The following NRXN3 variants were observed in gnomAD, a reference collection of about 807,000 sequenced individuals.
NRXN3 encodes the protein neurexin 3.
A neutral mutation model predicts 137.6 loss-of-function variants in NRXN3; 32 were observed. The observed-to-expected ratio is 0.23, with a 90% CI of 0.18 to 0.31. The LOEUF is 0.31. Ranked by LOEUF, NRXN3 falls within the 10% of genes least tolerant of loss-of-function variation. NRXN3 has a pLI of 1.00. For missense variants in NRXN3, 1,574 were observed against 2,062.5 expected, an observed-to-expected ratio of 0.76 and a Z score of 4.59; for synonymous variants, 798 against 784.5, an observed-to-expected ratio of 1.02 and a Z score of -0.29.
chr14:78,518,999 T>C, intron 4 of NRXN3, among the ~76,000 whole-genome samples: 1 of 152,162 alleles, frequency 6.6e-6, no homozygotes, highest in Non-Finnish European at 1.5e-5. Flanking sequence ...GACAGTCAAC[T>C]GGCCTCTAGC....
chr14:79,619,258 T>G (rs2098195133), intron 16 of NRXN3, among the ~76,000 whole-genome samples: 1 of 152,170 alleles, frequency 6.6e-6, no homozygotes, highest in African/African-American at 2.4e-5. Flanking sequence ...TTTTGGAGAT[T>G]TAGTTGTGCA....
intron 15 of NRXN3, among the ~76,000 whole-genome samples, chr14:79,250,547 C>G (rs550106829): frequency 6.6e-6 from 1 of 152,208 alleles, no homozygotes; most frequent in African/African-American, 2.4e-5. Context: ...AGTAAGGAAG[C>G]CAAGACACAA....
chr14:78,704,415 C>T (rs1355785442), intron 6 of NRXN3, among the ~76,000 whole-genome samples: 1 of 152,052 alleles, frequency 6.6e-6, no homozygotes, highest in Non-Finnish European at 1.5e-5. Context: ...GCACTGCAGC[C>T]TAGGAAACCC....
intron 16 of NRXN3, among the ~76,000 whole-genome samples, chr14:79,575,058 T>A (rs2097651715): frequency 1.3e-5 from 2 of 152,200 alleles, no homozygotes; most frequent in Non-Finnish European, 2.9e-5. Context: ...GAGGATCTTA[T>A]ACTTTTCCAG....
In NRXN3 at chr14:79,772,711, G is replaced by T. The variant is rs533019130; in HGVS notation, c.4015-32401G>T. Among the ~76,000 whole-genome samples the T allele has an allele frequency of 1.8e-3, 268 of 152,204 alleles. 1 individual carries two copies. Among genetic ancestry groups the T allele is most frequent in the African/African-American group, 6.3e-3 (261 of 41,538 alleles). ...CTAGGCATTACCATTCAGGACATAG[G>T]CATGGGCAAGGACTTCATGTCTAAA... is the stretch of plus-strand genomic sequence containing the variant. On this transcript the variant is annotated intron_variant, in intron 19 of 20. Coordinates refer to ENST00000335750, the MANE Select transcript of NRXN3 (RefSeq NM_001330195.2).
chr14:79,267,144 C>G (rs138261718), intron 15 of NRXN3, among the ~76,000 whole-genome samples: 2 of 152,012 alleles, frequency 1.3e-5, no homozygotes, highest in Admixed American at 1.3e-4. Flanking sequence ...CATGTTGACA[C>G]GTGTGTTGGG....
At chr14:78,245,539 C>T (rs2067546587) in intron 2 of NRXN3, among the ~76,000 whole-genome samples, 1 of 152,196 alleles carries the variant, frequency 6.6e-6, no homozygotes, top group Non-Finnish European at 1.5e-5. Context: ...TTAAAGACTG[C>T]AGGTGTTCCT....
intron 15 of NRXN3, among the ~76,000 whole-genome samples, chr14:79,391,264 T>G (rs1003627204): frequency 4.6e-5 from 7 of 152,184 alleles, no homozygotes; most frequent in Admixed American, 3.9e-4. Context: ...ATGTATCCTG[T>G]GGATTCAATA....
chr14:79,777,769 A>C (rs1010301844), intron 19 of NRXN3, among the ~76,000 whole-genome samples: 4 of 151,700 alleles, frequency 2.6e-5, no homozygotes, highest in Admixed American at 2.6e-4. Context: ...TAGTATAGCA[A>C]ATGTTGAGAT....
chr14:78,898,847 C>A (rs2099186534), intron 10 of NRXN3, among the ~76,000 whole-genome samples: 1 of 151,836 alleles, frequency 6.6e-6, no homozygotes. Flanking sequence ...TCTCAACCAT[C>A]ATATTGAAAA....
intron 4 of NRXN3, among the ~76,000 whole-genome samples, chr14:78,580,407 A>G (rs1415453543): frequency 2.0e-5 from 3 of 152,166 alleles, no homozygotes; most frequent in African/African-American, 7.2e-5. Context: ...ATTGGTAATC[A>G]TGGACTCACT....
intron 16 of NRXN3, among the ~76,000 whole-genome samples, chr14:79,656,455 G>A (rs2098506108): frequency 6.6e-6 from 1 of 152,160 alleles, no homozygotes. Context: ...TTTGAAGGAC[G>A]TGATGACTCA....
intron 8 of NRXN3, among the ~76,000 whole-genome samples, chr14:78,734,251 A>ACG (rs2098531254): frequency 8.8e-6 from 1 of 113,050 alleles, no homozygotes; most frequent in South Asian, 2.8e-4. Flanking sequence ...ACACACACAC[A>ACG]CACCCTTTTC....
At chr14:78,251,285 A>G (rs911000728) in intron 2 of NRXN3, among the ~76,000 whole-genome samples, 8 of 152,078 alleles carry the variant, frequency 5.3e-5, no homozygotes, top group Admixed American at 2.0e-4. Context: ...AAAAAAAACA[A>G]TCTTTCTCTG....
chr14:78,662,868 T>C (rs1247619705), intron 6 of NRXN3, among the ~76,000 whole-genome samples: 1 of 152,178 alleles, frequency 6.6e-6, no homozygotes, highest in Non-Finnish European at 1.5e-5. Flanking sequence ...CTTTACTCAG[T>C]CCTTTACTTG....
At chr14:79,218,692 C>A (rs1321473711) in intron 15 of NRXN3, among the ~76,000 whole-genome samples, 2 of 152,054 alleles carry the variant, frequency 1.3e-5, no homozygotes, top group Non-Finnish European at 2.9e-5. Flanking sequence ...ACAAAAGAGT[C>A]TTATGGCAAA....
intron 16 of NRXN3, among the ~76,000 whole-genome samples, chr14:79,564,763 G>GCTTGTGT (rs1238501171): frequency 6.6e-6 from 1 of 152,066 alleles, no homozygotes; most frequent in African/African-American, 2.4e-5. Flanking sequence ...GAATTTTAAT[G>GCTTGTGT]CTTGTGTTGA....
intron 4 of NRXN3, among the ~76,000 whole-genome samples, chr14:78,501,908 A>G (rs1305998484): frequency 6.6e-6 from 1 of 152,150 alleles, no homozygotes; most frequent in Non-Finnish European, 1.5e-5. Context: ...CCTTATGCAA[A>G]TGAATAAACT....
intron 4 of NRXN3, among the ~76,000 whole-genome samples, chr14:78,316,932 C>T (rs1329431076): frequency 1.3e-5 from 2 of 152,128 alleles, no homozygotes; most frequent in African/African-American, 2.4e-5. Context: ...AACACTCTTC[C>T]TTGACTGTAT....
Sources: allele counts gnomAD v4.1 joint callset (sites outside exome capture counted in the v4.1 genomes callset), GRCh38; gene constraint gnomAD v4.1.1; transcripts MANE v1.5; gene names NCBI Gene and HGNC (gene_info 2026-07-23, HGNC 2026-07-21).